IREB2: variants seen among roughly 807,000 people sequenced by gnomAD.
IREB2 encodes iron responsive element binding protein 2, also known as iron-responsive element-binding protein 2.
In IREB2, 39 loss-of-function variants were observed where a neutral mutation model predicts 118.8. The ratio of observed to expected loss-of-function variants is 0.33; its 90% CI spans 0.25 to 0.43. IREB2 has a LOEUF of 0.43. IREB2 is among the 20% of genes least tolerant of loss of function. IREB2 has a pLI of 1.00. For missense variants in IREB2, 900 were observed against 1,147.3 expected (o/e 0.78, Z 3.11); for synonymous variants, 372 against 392.2 (o/e 0.95, Z 0.61).
chr15:78,466,257 T>G lies in IREB2; in HGVS notation c.411-14T>G, dbSNP rs753197165. On this transcript the variant is annotated splice_polypyrimidine_tract_variant and intron_variant, in intron 4 of 21. Transcript: ENST00000258886. Reference sequence around the variant, plus strand: ...TTTAAATGGCTTTATTTTGTTTTCTTTTTGGAATGACAGTGCAATACAGAA... The same window carrying G: ...TTTAAATGGCTTTATTTTGTTTTCTGTTTGGAATGACAGTGCAATACAGAA... The G allele has an allele frequency of 1.9e-6, 3 of 1,575,302 alleles. No individual in the cohort carries two copies. Among genetic ancestry groups the G allele is most frequent in the Non-Finnish European group, 2.6e-6 (3 of 1,154,678 alleles).
At chr15:78,462,320 T>C (rs2051211039) in intron 2 of IREB2, among the ~76,000 whole-genome samples, 1 of 152,210 alleles carries the variant, frequency 6.6e-6, no homozygotes, top group African/African-American at 2.4e-5. Flanking sequence ...GAAACACTTT[T>C]GTGTGGCACA....
chr15:78,463,142 A>G, intron 3 of IREB2, 55 bp downstream of exon 3: 3 of 1,422,830 alleles, frequency 2.1e-6, no homozygotes, highest in Non-Finnish European at 2.9e-6. Context: ...TTTCCTTTTT[A>G]AAATACAGAC....
At chr15:78,475,105 C>G (rs1382829237) in intron 8 of IREB2, 1 of 142,906 alleles carries the variant, frequency 7.0e-6, no homozygotes, top group Admixed American at 7.0e-5. Flanking sequence ...GAGGAAACAT[C>G]TTTACACTTA....
chr15:78,494,820 G>T (rs139478201), intron 20 of IREB2, among the ~76,000 whole-genome samples: 20 of 152,168 alleles, frequency 1.3e-4, no homozygotes, highest in African/African-American at 2.2e-4. Context: ...TGATCCTCCC[G>T]CTGTGGCCTC....
chr15:78,450,198 A>G (rs550303287), intron 2 of IREB2, among the ~76,000 whole-genome samples: 2 of 152,230 alleles, frequency 1.3e-5, no homozygotes, highest in Admixed American at 1.3e-4. Flanking sequence ...GGGGACATAC[A>G]TGGAAAGTAT....
chr15:78,498,199 G>A lies in IREB2; in HGVS notation c.*56G>A. Reference sequence around the variant, plus strand: ...TGGTAACTGCAAAGCCTTTTGTGCTGGACCCAGGAATCCTTACCATGGAGC... The same window carrying A: ...TGGTAACTGCAAAGCCTTTTGTGCTAGACCCAGGAATCCTTACCATGGAGC... On this transcript the variant is annotated 3_prime_UTR_variant, in exon 22 of 22. Coordinates refer to ENST00000258886, the MANE Select transcript of IREB2 (RefSeq NM_004136.4). The A allele has an allele frequency of 1.0e-6, 1 of 958,796 alleles. No homozygotes were observed. Among genetic ancestry groups the A allele is most frequent in the Non-Finnish European group, 1.7e-6 (1 of 591,684 alleles). The allele number at this position is 958,796 out of a possible 1,614,324, so 59.4% of individuals were successfully genotyped here. A position where few individuals can be genotyped will look rare whatever the true frequency, so the allele number is the denominator to read the frequency against.
intron 20 of IREB2, among the ~76,000 whole-genome samples, chr15:78,496,038 G>A (rs1202224895): frequency 1.3e-5 from 2 of 152,132 alleles, no homozygotes; most frequent in African/African-American, 2.4e-5. Flanking sequence ...CTGTGTCCAC[G>A]AGTATTCTGA....
intron 2 of IREB2, among the ~76,000 whole-genome samples, chr15:78,440,618 C>T (rs1189353396): frequency 6.6e-6 from 1 of 152,216 alleles, no homozygotes; most frequent in Non-Finnish European, 1.5e-5. Context: ...GCATCTGCCT[C>T]AGCCTCACAA....
Position 78,465,304 on chromosome 15 carries a change from T to C in IREB2, c.326T>C (p.Leu109Pro). The C allele has an allele frequency of 6.2e-7, 1 of 1,613,716 alleles. No individual in the cohort carries two copies. The highest frequency in any genetic ancestry group is 8.5e-7 in the Non-Finnish European group (1 of 1,179,778). ...FAAMREAVKT[L>P]GGDPEKVHPA... ...GCTATGAGGGAGGCAGTGAAAACTCTTGGAGGTGATCCTGAGAAAGTCCAT... is the reference window on the plus strand; with the variant it reads ...GCTATGAGGGAGGCAGTGAAAACTCCTGGAGGTGATCCTGAGAAAGTCCAT... The change falls in exon 4 of 22, where the codon CTT becomes CCT. Residue 109 changes from leucine (L) to proline (P), a missense_variant. Transcript: ENST00000258886.
intron 8 of IREB2, chr15:78,474,453 G>A (rs1016054365): frequency 2.6e-5 from 4 of 152,168 alleles, no homozygotes; most frequent in Non-Finnish European, 5.9e-5. Flanking sequence ...ATTCCTAGAG[G>A]AAAAGGAGTA....
At chr15:78,472,003 A>T (rs2051387969) in intron 7 of IREB2, 79 bp downstream of exon 7, 1 of 1,108,126 alleles carries the variant, frequency 9.0e-7, no homozygotes, top group Non-Finnish European at 1.3e-6. Context: ...TAAATTATTG[A>T]GTTTGTATAG....
intron 2 of IREB2, among the ~76,000 whole-genome samples, chr15:78,450,951 A>G (rs746111286): frequency 2.2e-4 from 34 of 151,932 alleles, no homozygotes; most frequent in Non-Finnish European, 4.4e-4. Flanking sequence ...TCAAAGACCA[A>G]TAATGTAATG....
Position 78,471,873 on chromosome 15 carries a change from G to A in IREB2, c.832G>A (p.Gly278Ser), listed in dbSNP as rs376211098. Reference sequence around the variant, plus strand: ...CCTCCTCTTCCCAGACAGTGTAGTCGGCACAGATTCACACATAACGATGGT... The same window carrying A: ...CCTCCTCTTCCCAGACAGTGTAGTCAGCACAGATTCACACATAACGATGGT... The part of the protein sequence containing the change: ...KDLLFPDSVV[G>S]TDSHITMVNG... Residue 278 changes from glycine to serine, a missense_variant, in exon 7 of 22, where the codon GGC (glycine) becomes AGC (serine). Coordinates refer to ENST00000258886, the MANE Select transcript of IREB2 (RefSeq NM_004136.4). The A allele has an allele frequency of 2.5e-6, 4 of 1,612,558 alleles. No homozygotes were observed. Among genetic ancestry groups the A allele is most frequent in the Non-Finnish European group, 3.4e-6 (4 of 1,179,364 alleles).
chr15:78,448,240 G>C (rs1274479753), intron 2 of IREB2, among the ~76,000 whole-genome samples: 1 of 152,134 alleles, frequency 6.6e-6, no homozygotes, highest in Non-Finnish European at 1.5e-5. Flanking sequence ...TGTCTCCTAA[G>C]TTGAAGTGAT....
At chr15:78,450,158 T>G (rs531900480) in intron 2 of IREB2, among the ~76,000 whole-genome samples, 1 of 152,226 alleles carries the variant, frequency 6.6e-6, no homozygotes, top group South Asian at 2.1e-4. Context: ...AGATAGCATC[T>G]GTGCTAAAGA....
rs1596017296 is a variant in IREB2 at position 78,494,226 on chromosome 15, A to C, written c.2557A>C (p.Asn853His). Residue 853 changes from asparagine (N) to histidine (H), a missense_variant, in exon 20 of 22, where the codon AAC becomes CAC. Physicochemically the swap from Asn to His is moderately conservative, Grantham distance 68. Transcript: ENST00000258886. ...AGCAGGAAAGAAATATGGTTCAGGA[A>C]ACTCCAGAGACTGGGCTGCCAAAGG... ...ILAGKKYGSG[N>H]SRDWAAKGPY... 3 of 1,614,066 alleles carry C rather than the reference A, an allele frequency of 1.9e-6. No homozygotes were observed. The East Asian group carries it at 6.7e-5, about 36-fold the overall frequency.
intron 18 of IREB2, among the ~76,000 whole-genome samples, chr15:78,493,075 T>G (rs886837368): frequency 1.3e-5 from 2 of 152,084 alleles, no homozygotes; most frequent in African/African-American, 2.4e-5. Context: ...AACCCAAATC[T>G]TATCAAACCA....
chr15:78,493,412 GA>G (rs200401406), intron 18 of IREB2, among the ~76,000 whole-genome samples: 3 of 151,732 alleles, frequency 2.0e-5, no homozygotes, highest in Admixed American at 1.3e-4. Flanking sequence ...GTGTTTGGTT[GA>G]AAAAAAATCG....
intron 5 of IREB2, among the ~76,000 whole-genome samples, chr15:78,470,006 A>C (rs115725415): frequency 0.013 from 1,944 of 152,328 alleles, 41 homozygotes; most frequent in African/African-American, 0.044. Context: ...ATCCATGTAA[A>C]GTGAACTGCT....
Sources: gnomAD v4.1 joint callset for allele counts (sites outside exome capture counted in the v4.1 genomes callset) on GRCh38, gnomAD v4.1.1 for gene constraint, MANE v1.5 for transcripts, NCBI Gene and HGNC (gene_info 2026-07-23, HGNC 2026-07-21) for gene names.